The following SVIL variants were observed in gnomAD, a reference collection of about 807,000 sequenced individuals.
SVIL encodes supervillin.
A neutral mutation model predicts 240.4 loss-of-function variants in SVIL; 101 were observed. The observed-to-expected ratio is 0.42, with a 90% CI of 0.36 to 0.50. The LOEUF (loss-of-function observed/expected upper bound fraction) is 0.50, where lower values mean the gene tolerates loss of function less well. Ranked by LOEUF, SVIL falls within the 20% of genes least tolerant of loss-of-function variation. The probability of loss-of-function intolerance (pLI) is 0.01; values close to 1 mark genes in which losing one functional copy is unlikely to be tolerated. For synonymous variants in SVIL, 999 were observed against 1,100.0 expected (o/e 0.91, Z 1.82); for missense variants, 2,512 against 2,818.7 (o/e 0.89, Z 2.46).
intron 5 of SVIL, among the ~76,000 whole-genome samples, chr10:29,552,624 G>C (rs547066145): frequency 3.3e-5 from 5 of 151,350 alleles, no homozygotes; most frequent in Non-Finnish European, 5.9e-5. Flanking sequence ...TCATTTAAGG[G>C]TCCTAACAGT....
intron 5 of SVIL, among the ~76,000 whole-genome samples, chr10:29,554,580 C>T (rs534952707): frequency 6.6e-6 from 1 of 152,220 alleles, no homozygotes; most frequent in South Asian, 2.1e-4. Flanking sequence ...AGCTTGAGCC[C>T]AGGAGTTAAG....
chr10:29,506,679 A>G (rs1259660580), intron 17 of SVIL, among the ~76,000 whole-genome samples: 1 of 114,188 alleles, frequency 8.8e-6, no homozygotes, highest in Non-Finnish European at 2.0e-5. Context: ...CAGAGGCCCT[A>G]TGAGGGAGGG....
At chr10:29,560,474 T>C (rs1481801122) in intron 3 of SVIL, among the ~76,000 whole-genome samples, 1 of 152,214 alleles carries the variant, frequency 6.6e-6, no homozygotes, top group African/African-American at 2.4e-5. Flanking sequence ...TTAAATATTA[T>C]AAACGTTACA....
At chr10:29,458,389 G>A (rs780583852) in intron 37 of SVIL, 45 bp downstream of exon 37, 25 of 1,607,456 alleles carry the variant, frequency 1.6e-5, no homozygotes, top group Non-Finnish European at 2.0e-5. Context: ...GGGCGTGCGT[G>A]TGTTGTTTTA....
rs2132533819 is a variant in SVIL at position 29,523,804 on chromosome 10, C to T, written c.2810G>A (p.Gly937Asp). The part of the protein sequence containing the change: ...KSQAWQPLVE[G>D]SENKGMLREY... ...TCTCAACATTCCCTTGTTCTCGCTA[C>T]CCTCTACCAAAGGCTGCCAAGCTTG... The change falls in exon 15 of 38, where the codon GGT becomes GAT. Residue 937 changes from glycine to aspartate, a missense_variant. Transcript: ENST00000355867. The T allele has an allele frequency of 6.2e-7, 1 of 1,614,214 alleles. No homozygotes were observed. The highest frequency in any genetic ancestry group is 2.2e-5 in the East Asian group (1 of 44,890).
chr10:29,473,066 C>A (rs1945769572), intron 30 of SVIL, among the ~76,000 whole-genome samples: 1 of 151,822 alleles, frequency 6.6e-6, no homozygotes, highest in Non-Finnish European at 1.5e-5. Flanking sequence ...GGTCACAGGG[C>A]AGGAGGTGAG....
At chr10:29,538,447 TC>T (rs1951893424) in intron 6 of SVIL, among the ~76,000 whole-genome samples, 1 of 152,248 alleles carries the variant, frequency 6.6e-6, no homozygotes, top group Non-Finnish European at 1.5e-5. Flanking sequence ...TTAAAATGGT[TC>T]AATGTAAGAT....
At position 29,533,149 on chromosome 10, in the gene SVIL, G is replaced by A. The variant is rs1304854079; in HGVS notation, c.1218C>T (p.Ser406=). ...SATQNVPKPP[S]LTVLEGDGRD... ...TTCCGTCACCTTCTAGAACCGTCAA[G>A]CTGGGAGGTTTGGGGACATTCTGGG... The change falls in exon 8 of 38, where the codon AGC becomes AGT. Residue 406 remains serine (S), a synonymous_variant. Coordinates refer to ENST00000355867, the MANE Select transcript of SVIL (RefSeq NM_021738.3). 3 of 1,614,048 alleles carry A rather than the reference G, an allele frequency of 1.9e-6. No individual in the cohort carries two copies. In the African/African-American group the frequency reaches 4.0e-5, roughly 22 times the overall value.
Position 29,687,974 on chromosome 10 carries a change from G to C in SVIL, c.-399-1323C>G, listed in dbSNP as rs566028868. On this transcript the variant is annotated intron_variant, in intron 1 of 35. Transcript: ENST00000375400. ...TGCCCAATAACCGCCCTAGTTCTGG[G>C]GTAAGCCATGAGAAACAAGCATTGC... Among the ~76,000 whole-genome samples, 16 of 152,176 alleles carry C rather than the reference G, an allele frequency of 1.1e-4. No homozygotes were observed. In the East Asian group the frequency reaches 3.1e-3, roughly 29 times the overall value.
chr10:29,695,820 GTCTCCC>G (rs1207518976), intron 1 of SVIL, among the ~76,000 whole-genome samples: 13 of 83,084 alleles, frequency 1.6e-4, no homozygotes, highest in African/African-American at 6.2e-4. Context: ...TCCCTCTCCC[GTCTCCC>G]TCTCCCTCTC....
intron 3 of SVIL, among the ~76,000 whole-genome samples, chr10:29,655,620 C>A (rs1180118110): frequency 6.6e-6 from 1 of 152,178 alleles, no homozygotes; most frequent in African/African-American, 2.4e-5. Flanking sequence ...AATACTTTAC[C>A]AGGCATCTAA....
intron 1 of SVIL, among the ~76,000 whole-genome samples, chr10:29,729,926 C>T (rs1162113145): frequency 6.7e-6 from 1 of 149,996 alleles, no homozygotes; most frequent in Non-Finnish European, 1.5e-5. Context: ...CTGTTTCTCT[C>T]ACCTATAATC....
intron 1 of SVIL, among the ~76,000 whole-genome samples, chr10:29,571,301 G>A (rs1001399159): frequency 3.7e-4 from 57 of 152,352 alleles, no homozygotes; most frequent in African/African-American, 1.4e-3. Flanking sequence ...GGGTGATGTA[G>A]ATGACCAAGG....
At chr10:29,638,673 C>T (rs1251512246), upstream of SVIL, among the ~76,000 whole-genome samples, 1 of 151,994 alleles carries the variant, frequency 6.6e-6, no homozygotes, top group African/African-American at 2.4e-5. Flanking sequence ...TTATTTTTCC[C>T]TATAAGAATG....
At chr10:29,582,620 C>A in intron 1 of SVIL, among the ~76,000 whole-genome samples, 1 of 151,772 alleles carries the variant, frequency 6.6e-6, no homozygotes, top group African/African-American at 2.4e-5. Flanking sequence ...TAGTTCCAGC[C>A]ACTCAGAAGG....
At chr10:29,548,684 G>A (rs895867613) in intron 6 of SVIL, among the ~76,000 whole-genome samples, 5 of 152,236 alleles carry the variant, frequency 3.3e-5, no homozygotes, top group East Asian at 1.9e-4. Context: ...GTTCTATTTC[G>A]TGTATATTGC....
At chr10:29,485,851 A>T (rs1023215516) in intron 26 of SVIL, among the ~76,000 whole-genome samples, 1 of 152,260 alleles carries the variant, frequency 6.6e-6, no homozygotes, top group Non-Finnish European at 1.5e-5. Flanking sequence ...AAGATATAAA[A>T]GCCTTCAATG....
intron 6 of SVIL, among the ~76,000 whole-genome samples, chr10:29,541,593 C>T (rs4556437): frequency 4.6e-5 from 7 of 152,142 alleles, no homozygotes; most frequent in African/African-American, 2.4e-5. Flanking sequence ...CAGTGAAGGC[C>T]TGAATGCTGT....
chr10:29,648,039 C>T (rs548763503), intron 3 of SVIL, among the ~76,000 whole-genome samples: 1 of 150,638 alleles, frequency 6.6e-6, no homozygotes, highest in African/African-American at 2.4e-5. Flanking sequence ...TAAGATGACG[C>T]TCCCACCAGC....
Sources: allele counts gnomAD v4.1 joint callset (sites outside exome capture counted in the v4.1 genomes callset), GRCh38; gene constraint gnomAD v4.1.1; transcripts MANE v1.5; gene names NCBI Gene and HGNC (gene_info 2026-07-23, HGNC 2026-07-21).